The following HDAC9 variants were observed in gnomAD, a reference collection of about 807,000 sequenced individuals.
HDAC9 encodes MEF-2 interacting transcription repressor (MITR) protein.
In HDAC9, 41 loss-of-function variants were observed where a neutral mutation model predicts 139.4. The observed-to-expected ratio is 0.29, with a 90% confidence interval of 0.23 to 0.38. The LOEUF (loss-of-function observed/expected upper bound fraction) is 0.38, where lower values mean the gene tolerates loss of function less well. HDAC9 is among the 10% of genes least tolerant of loss of function. HDAC9 has a pLI of 1.00. For synonymous variants in HDAC9, 517 were observed against 476.2 expected (o/e 1.09, Z -1.12); for missense variants, 1,147 against 1,297.0 (o/e 0.88, Z 1.78).
At chr7:18,438,874 C>G (rs1791480361) in intron 1 of HDAC9, among the ~76,000 whole-genome samples, 1 of 152,060 alleles carries the variant, frequency 6.6e-6, no homozygotes, top group South Asian at 2.1e-4. Context: ...ATTTTTAAAA[C>G]CAACAGAAAT....
chr7:18,671,575 T>C (rs17139557), intron 12 of HDAC9, among the ~76,000 whole-genome samples: 4,169 of 152,110 alleles, frequency 0.027, 148 homozygotes, highest in African/African-American at 0.071. Context: ...AACTCAAGTA[T>C]AGGCAATTCT....
At chr7:18,732,669 A>ATGTGTACACACACACG (rs1562891987) in intron 13 of HDAC9, among the ~76,000 whole-genome samples, 1 of 123,556 alleles carries the variant, frequency 8.1e-6, no homozygotes, top group African/African-American at 3.5e-5. Context: ...ACACACGTGT[A>ATGTGTACACACACACG]TATGTGTGCG....
intron 1 of HDAC9, among the ~76,000 whole-genome samples, chr7:18,487,259 T>C (rs1796040268): frequency 6.6e-6 from 1 of 151,946 alleles, no homozygotes; most frequent in African/African-American, 2.4e-5. Flanking sequence ...GCAAAAGTCA[T>C]CATAAGGGAC....
rs1369735973 is a variant in HDAC9, at chr7:19,002,255, T to G, written c.*6193T>G. The G allele has an allele frequency of 6.6e-6, 1 of 152,156 alleles. No individual in the cohort carries two copies. The highest frequency in any genetic ancestry group is 6.5e-5 in the Admixed American group (1 of 15,276). The allele number at this position is 152,156 out of a possible 1,614,324, so 9.4% of individuals were successfully genotyped here. ...ATGTCCACCTTCTTCTGATTCCTTT[T>G]TTGTATTTGAAAATGCAATGGTGTG... is the stretch of plus-strand genomic sequence containing the variant. On this transcript the variant is annotated 3_prime_UTR_variant, in exon 26 of 26. Transcript: ENST00000686413.
chr7:18,749,548 A>T (rs575474762), intron 14 of HDAC9, among the ~76,000 whole-genome samples: 1 of 152,302 alleles, frequency 6.6e-6, no homozygotes, highest in East Asian at 1.9e-4. Flanking sequence ...TAAAATATCA[A>T]CTGTCCTCTT....
chr7:18,237,178 C>T (rs1016590642), intron 2 of HDAC9, among the ~76,000 whole-genome samples: 2 of 152,108 alleles, frequency 1.3e-5, no homozygotes, highest in East Asian at 1.9e-4. Context: ...CAACTGGCTA[C>T]GGAGAGTTGC....
intron 2 of HDAC9, among the ~76,000 whole-genome samples, chr7:18,271,954 A>G (rs111978): frequency 0.76 from 114,900 of 152,118 alleles, 43,505 homozygotes; most frequent in South Asian, 0.86. Flanking sequence ...AACATCTTTG[A>G]GAGGAAAGAG....
rs996964983 is a variant in HDAC9, at chr7:18,111,488, C to T, written c.-97+24275C>T. ...GGTATCTGTGGTGGATTGGTTCCAG[C>T]GACTCCCTTGGATACCAATATCAGT... On this transcript the variant is annotated intron_variant, in intron 1 of 12. Transcript: ENST00000417496. 3.9e-5 allele frequency among the ~76,000 whole-genome samples: 6 copies of T among 152,188 alleles called. 1 individual carries two copies. In the South Asian group the frequency reaches 8.3e-4, roughly 21 times the overall value.
chr7:18,261,653 A>G (rs1795687268), intron 2 of HDAC9, among the ~76,000 whole-genome samples: 1 of 152,226 alleles, frequency 6.6e-6, no homozygotes, highest in Non-Finnish European at 1.5e-5. Flanking sequence ...TATGCAGAAA[A>G]CAAGCATGGA....
chr7:18,406,680 T>C (rs1788042877), intron 1 of HDAC9, among the ~76,000 whole-genome samples: 1 of 152,220 alleles, frequency 6.6e-6, no homozygotes, highest in African/African-American at 2.4e-5. Context: ...TGAGCTGCCA[T>C]GCCCGGCCTT....
chr7:18,812,206 T>C (rs921450385), intron 17 of HDAC9, among the ~76,000 whole-genome samples: 5 of 151,934 alleles, frequency 3.3e-5, no homozygotes, highest in Non-Finnish European at 7.4e-5. Flanking sequence ...GTCAACAGTA[T>C]ACGTATAAAA....
chr7:18,486,187 C>A (rs1308910698), intron 1 of HDAC9, among the ~76,000 whole-genome samples: 1 of 152,134 alleles, frequency 6.6e-6, no homozygotes, highest in Non-Finnish European at 1.5e-5. Context: ...AAAGGTCTCA[C>A]TTCTCAACAC....
At chr7:18,350,843 C>A (rs1375334346) in intron 1 of HDAC9, among the ~76,000 whole-genome samples, 1 of 152,184 alleles carries the variant, frequency 6.6e-6, no homozygotes, top group Non-Finnish European at 1.5e-5. Flanking sequence ...CCCATAACGA[C>A]ACTGGGCATT....
intron 17 of HDAC9, among the ~76,000 whole-genome samples, chr7:18,806,578 A>G (rs1353254890): frequency 1.3e-5 from 2 of 152,216 alleles, no homozygotes; most frequent in African/African-American, 4.8e-5. Context: ...AAAAGGCTCT[A>G]TGCTTTTAAG....
chr7:18,159,342 A>T (rs1787453746), intron 1 of HDAC9, among the ~76,000 whole-genome samples: 1 of 152,194 alleles, frequency 6.6e-6, no homozygotes, highest in Non-Finnish European at 1.5e-5. Flanking sequence ...TGACTAATAT[A>T]TGAGGGGAAC....
At chr7:18,487,702 G>A (rs1039269102) in intron 1 of HDAC9, among the ~76,000 whole-genome samples, 1 of 151,994 alleles carries the variant, frequency 6.6e-6, no homozygotes, top group Non-Finnish European at 1.5e-5. Flanking sequence ...CAATTAGATC[G>A]AATTATGAAG....
intron 1 of HDAC9, among the ~76,000 whole-genome samples, chr7:18,347,450 C>A (rs1262005805): frequency 6.6e-6 from 1 of 152,174 alleles, no homozygotes; most frequent in East Asian, 1.9e-4. Flanking sequence ...CTTACTTAGA[C>A]ATTTGCTTAG....
intron 19 of HDAC9, among the ~76,000 whole-genome samples, chr7:18,833,803 C>T (rs149418108): frequency 6.6e-6 from 1 of 152,138 alleles, no homozygotes; most frequent in African/African-American, 2.4e-5. Flanking sequence ...ATGTCTACAC[C>T]GTGGATGGCA....
chr7:18,152,915 G>A (rs1298321455), intron 1 of HDAC9, among the ~76,000 whole-genome samples: 4 of 152,200 alleles, frequency 2.6e-5, no homozygotes, highest in Non-Finnish European at 5.9e-5. Context: ...AAATTTAGGT[G>A]TATCCTAAAT....
Sources: allele counts gnomAD v4.1 joint callset (sites outside exome capture counted in the v4.1 genomes callset), GRCh38; gene constraint gnomAD v4.1.1; transcripts MANE v1.5; gene names NCBI Gene and HGNC (gene_info 2026-07-23, HGNC 2026-07-21).